The following PTPRO variants were observed in gnomAD, a reference collection of about 807,000 sequenced individuals.
PTPRO encodes the protein protein tyrosine phosphatase receptor type O, also known as receptor-type tyrosine-protein phosphatase O.
A neutral mutation model predicts 145.2 loss-of-function variants in PTPRO; 62 were observed. The ratio of observed to expected loss-of-function variants is 0.43; its 90% CI spans 0.35 to 0.53. The LOEUF is 0.53. Among genes scored for constraint, PTPRO ranks in the 20% least tolerant of loss-of-function variants. The pLI, the probability that PTPRO is intolerant of heterozygous loss-of-function variation, is 0.01. For missense variants in PTPRO, 1,345 were observed against 1,482.7 expected, an observed-to-expected ratio of 0.91 and a Z score of 1.53; for synonymous variants, 565 against 514.7, an observed-to-expected ratio of 1.10 and a Z score of -1.32.
At chr12:15,371,309 T>G (rs1310706370) in intron 1 of PTPRO, among the ~76,000 whole-genome samples, 1 of 152,044 alleles carries the variant, frequency 6.6e-6, no homozygotes, top group African/African-American at 2.4e-5. Context: ...CTCGGCTCAT[T>G]GCAACCTCTG....
At chr12:15,476,581 T>C (rs1941659444) in intron 1 of PTPRO, among the ~76,000 whole-genome samples, 2 of 151,212 alleles carry the variant, frequency 1.3e-5, no homozygotes, top group Admixed American at 6.6e-5. Context: ...TAGATCCCAT[T>C]TGTCAATTTT....
At chr12:15,386,838 T>C (rs77139295) in intron 1 of PTPRO, among the ~76,000 whole-genome samples, 22,318 of 152,158 alleles carry the variant, frequency 0.15, 3,704 homozygotes, top group African/African-American at 0.41. Flanking sequence ...CAGGCACTCG[T>C]CTATATCTTC....
At chr12:15,508,049 C>G (rs904266171) in intron 6 of PTPRO, among the ~76,000 whole-genome samples, 4 of 152,156 alleles carry the variant, frequency 2.6e-5, no homozygotes, top group African/African-American at 9.7e-5. Context: ...CAGGTTTTAG[C>G]CAGCTTCTTT....
At chr12:15,538,654 T>G (rs1943116706) in intron 12 of PTPRO, among the ~76,000 whole-genome samples, 1 of 152,262 alleles carries the variant, frequency 6.6e-6, no homozygotes, top group Non-Finnish European at 1.5e-5. Flanking sequence ...CTGTGAAGTC[T>G]GGCATTGACC....
intron 1 of PTPRO, among the ~76,000 whole-genome samples, chr12:15,329,114 A>T (rs1281434765): frequency 6.6e-6 from 1 of 152,196 alleles, no homozygotes; most frequent in African/African-American, 2.4e-5. Flanking sequence ...AAGGCGTCAT[A>T]TGACTCTACC....
intron 1 of PTPRO, among the ~76,000 whole-genome samples, chr12:15,334,022 A>T (rs1005557835): frequency 6.6e-6 from 1 of 152,166 alleles, no homozygotes; most frequent in African/African-American, 2.4e-5. Context: ...ACGGTTTGAA[A>T]ATGTCAAATA....
chr12:15,598,061 A>G lies in PTPRO; in HGVS notation c.*1988A>G, dbSNP rs1464776847. Among the ~76,000 whole-genome samples the G allele has an allele frequency of 6.6e-6, 1 of 152,158 alleles. No individual in the cohort carries two copies. Among genetic ancestry groups the G allele is most frequent in the Non-Finnish European group, 1.5e-5 (1 of 68,024 alleles). On this transcript the variant is annotated 3_prime_UTR_variant, in exon 27 of 27. Transcript: ENST00000281171. ...AAACAAAGCACTTCATAAATATTTT[A>G]TGTTTTTCTTGAGCACCCTTTCAAG... is the stretch of plus-strand genomic sequence containing the variant.
chr12:15,450,789 T>A (rs116042321), intron 1 of PTPRO, among the ~76,000 whole-genome samples: 3,444 of 151,896 alleles, frequency 0.023, 149 homozygotes, highest in African/African-American at 0.078. Flanking sequence ...AATTTTTTTT[T>A]AAATAAAAAA....
chr12:15,408,309 A>G (rs1278101797), intron 1 of PTPRO, among the ~76,000 whole-genome samples: 4 of 152,154 alleles, frequency 2.6e-5, no homozygotes, highest in African/African-American at 9.7e-5. Flanking sequence ...CTCTCCCCAA[A>G]TAAGATCAAT....
At chr12:15,450,661 A>G (rs1361664227) in intron 1 of PTPRO, among the ~76,000 whole-genome samples, 1 of 151,990 alleles carries the variant, frequency 6.6e-6, no homozygotes, top group Non-Finnish European at 1.5e-5. Flanking sequence ...TATTCCCAGC[A>G]ACTTGGGAGG....
At position 15,557,423 on chromosome 12, in the gene PTPRO, G is replaced by C. The variant is rs371226828; in HGVS notation, c.2559-32G>C. On this transcript the variant is annotated intron_variant, in intron 15 of 26. Transcript: ENST00000281171. Reference sequence around the variant, plus strand: ...CAACGTAAGAATGCTTTGTCAAGCAGTAACCTTGATTTTGTGGTTCCTTTA... The same window carrying C: ...CAACGTAAGAATGCTTTGTCAAGCACTAACCTTGATTTTGTGGTTCCTTTA... 1.6e-5 allele frequency: 25 copies of C among 1,583,462 alleles called. No homozygotes were observed. The African/African-American group carries it at 3.0e-4, about 19-fold the overall frequency.
intron 25 of PTPRO, among the ~76,000 whole-genome samples, chr12:15,593,529 A>G (rs941547529): frequency 2.0e-5 from 3 of 152,194 alleles, no homozygotes; most frequent in Non-Finnish European, 4.4e-5. Flanking sequence ...GTTACTTTAC[A>G]TTCTATTTAC....
intron 12 of PTPRO, 46 bp downstream of exon 12, chr12:15,526,308 T>G (rs1464186643): frequency 6.2e-7 from 1 of 1,609,158 alleles, no homozygotes; most frequent in Non-Finnish European, 8.5e-7. Context: ...CACTAATGTT[T>G]GCATCATTCG....
chr12:15,537,913 A>C (rs781678351), intron 12 of PTPRO, among the ~76,000 whole-genome samples: 17 of 152,172 alleles, frequency 1.1e-4, no homozygotes, highest in Non-Finnish European at 2.5e-4. Context: ...GATAGTGAGC[A>C]GAGTGAAGAT....
chr12:15,376,188 A>T (rs760937808), intron 1 of PTPRO, among the ~76,000 whole-genome samples: 2 of 152,212 alleles, frequency 1.3e-5, no homozygotes, highest in Non-Finnish European at 2.9e-5. Flanking sequence ...GACAAAGGAA[A>T]ACTGTTGTAA....
At chr12:15,563,318 C>T (rs1460839129) in intron 17 of PTPRO, among the ~76,000 whole-genome samples, 1 of 152,028 alleles carries the variant, frequency 6.6e-6, no homozygotes, top group African/African-American at 2.4e-5. Flanking sequence ...AACATGTGCA[C>T]ATATTGGCTC....
At chr12:15,482,223 A>C (rs1025522824) in intron 1 of PTPRO, among the ~76,000 whole-genome samples, 1 of 151,782 alleles carries the variant, frequency 6.6e-6, no homozygotes, top group African/African-American at 2.4e-5. Context: ...TAAAAAGGTA[A>C]TTCTGTCATT....
In PTPRO at chr12:15,438,012, C is replaced by T. The variant is rs111776734; in HGVS notation, c.76-45962C>T. On this transcript the variant is annotated intron_variant, in intron 1 of 26. Coordinates refer to ENST00000281171, the MANE Select transcript of PTPRO (RefSeq NM_030667.3). The stretch of plus-strand genomic sequence containing the variant: ...TAAATACAGATACCAGCCACTTTGA[C>T]CACAGCTGGCTGTTATCTACAGGCT... 6.7e-3 allele frequency among the ~76,000 whole-genome samples: 1,020 copies of T among 152,296 alleles called. 7 individuals carry two copies. The highest frequency in any genetic ancestry group is 0.023 in the African/African-American group (955 of 41,552).
Position 15,417,803 on chromosome 12 carries a change from G to A in PTPRO, c.76-66171G>A, listed in dbSNP as rs369525594. On this transcript the variant is annotated intron_variant, in intron 1 of 26. Transcript: ENST00000281171. ...TTGTGTCTACCCTGAACTGAGATTC[G>A]CCAGGGCCTTTAATACTAGGATTTA... 5.9e-5 allele frequency among the ~76,000 whole-genome samples: 9 copies of A among 151,746 alleles called. No individual in the cohort carries two copies. The East Asian group carries it at 1.2e-3, about 20-fold the overall frequency.
Sources: gnomAD v4.1 joint callset for allele counts (sites outside exome capture counted in the v4.1 genomes callset) on GRCh38, gnomAD v4.1.1 for gene constraint, MANE v1.5 for transcripts, NCBI Gene and HGNC (gene_info 2026-07-23, HGNC 2026-07-21) for gene names.